Variants in P2RY12 observed in about 807,000 individuals in gnomAD.
P2RY12 encodes the protein P2Y purinoceptor 12.
A neutral mutation model predicts 4.5 loss-of-function variants in P2RY12; 3 were observed. The ratio of observed to expected loss-of-function variants is 0.67; its 90% CI spans 0.31 to 1.74. The LOEUF is 1.74. P2RY12 is among the 40% of genes most tolerant of loss of function. The pLI, the probability that P2RY12 is intolerant of heterozygous loss-of-function variation, is 0.09. For missense variants in P2RY12, 356 were observed against 407.8 expected, an observed-to-expected ratio of 0.87 and a Z score of 1.09; for synonymous variants, 148 against 154.1, an observed-to-expected ratio of 0.96 and a Z score of 0.29.
intron 1 of P2RY12, chr3:151,372,536 G>C (rs746693954): frequency 6.4e-7 from 1 of 1,564,668 alleles, no homozygotes; most frequent in Non-Finnish European, 8.8e-7. Flanking sequence ...TTGAACTTCT[G>C]TGATTTTGCT....
At chr3:151,350,275 C>CA in intron 1 of P2RY12, 1 of 1,507,860 alleles carries the variant, frequency 6.6e-7, no homozygotes, top group South Asian at 1.2e-5. Context: ...CAGTCTTTAT[C>CA]AAAGTGTTCT....
intron 1 of P2RY12, chr3:151,368,123 C>T (rs747488373): frequency 6.3e-7 from 1 of 1,588,340 alleles, no homozygotes; most frequent in Non-Finnish European, 8.6e-7. Flanking sequence ...TGTTAGAAAA[C>T]TTGCTTTTCC....
chr3:151,354,446 G>T (rs1233278790), intron 1 of P2RY12, among the ~76,000 whole-genome samples: 1 of 151,944 alleles, frequency 6.6e-6, no homozygotes, highest in Non-Finnish European at 1.5e-5. Context: ...ATTAAAAAAG[G>T]AATCATGTAA....
chr3:151,376,642 T>C (rs1444964638), intron 1 of P2RY12, among the ~76,000 whole-genome samples: 1 of 152,202 alleles, frequency 6.6e-6, no homozygotes, highest in Non-Finnish European at 1.5e-5. Flanking sequence ...CGCTACTGAA[T>C]ATATATGCAG....
At chr3:151,382,772 TC>T (rs2108143117) in intron 1 of P2RY12, 3 of 1,559,094 alleles carry the variant, frequency 1.9e-6, no homozygotes, top group Non-Finnish European at 2.6e-6. Context: ...GTATTTTCCC[TC>T]CATTAAACAT....
chr3:151,376,361 CT>C, intron 1 of P2RY12: 1 of 645,172 alleles, frequency 1.5e-6, no homozygotes, highest in Non-Finnish European at 2.4e-6. Flanking sequence ...AATTGACATA[CT>C]TTATTTTTGG....
intron 2 of P2RY12, among the ~76,000 whole-genome samples, chr3:151,339,512 G>A (rs1465647575): frequency 6.6e-6 from 1 of 151,396 alleles, no homozygotes; most frequent in Non-Finnish European, 1.5e-5. Context: ...TCAAAGATTG[G>A]CCTCACGGAG....
intron 1 of P2RY12, chr3:151,355,757 T>C (rs1415064147): frequency 4.7e-6 from 3 of 641,488 alleles, no homozygotes; most frequent in Non-Finnish European, 7.4e-6. Context: ...TTTTATAGTT[T>C]CTATAGAAAC....
At chr3:151,364,943 A>T in intron 1 of P2RY12, 2 of 1,435,860 alleles carry the variant, frequency 1.4e-6, no homozygotes, top group Non-Finnish European at 2.0e-6. Flanking sequence ...TTCTAGTTTT[A>T]TTTTTCTGTT....
At position 151,375,320 on chromosome 3, in the gene P2RY12, A is replaced by C. The variant is rs183641805; in HGVS notation, c.-180+9372T>G. On this transcript the variant is annotated intron_variant, in intron 1 of 2. Coordinates refer to ENST00000302632, the MANE Select transcript of P2RY12 (RefSeq NM_022788.5). ...TTCACCCGAAATAGATCTGGGTTCA[A>C]ATTGGGCTCTGTTACTGTTGATGAT... Among the ~76,000 whole-genome samples, 54 of 152,326 alleles carry C rather than the reference A, an allele frequency of 3.5e-4. 1 individual carries two copies. Among genetic ancestry groups the C allele is most frequent in the African/African-American group, 1.2e-3 (50 of 41,570 alleles).
chr3:151,371,316 G>A (rs530779326), intron 1 of P2RY12, among the ~76,000 whole-genome samples: 2 of 152,224 alleles, frequency 1.3e-5, no homozygotes, highest in South Asian at 4.1e-4. Context: ...AGGTATAGAG[G>A]TAGTTGTTTA....
intron 1 of P2RY12, among the ~76,000 whole-genome samples, chr3:151,352,038 T>G (rs770454926): frequency 4.6e-5 from 7 of 152,202 alleles, no homozygotes; most frequent in African/African-American, 7.2e-5. Context: ...TAGTTTCACA[T>G]TTTTGAATAT....
intron 1 of P2RY12, among the ~76,000 whole-genome samples, chr3:151,364,363 C>A (rs891876979): frequency 1.3e-5 from 2 of 152,104 alleles, no homozygotes; most frequent in Non-Finnish European, 2.9e-5. Flanking sequence ...CTGAGAAATA[C>A]AACATGATAA....
intron 1 of P2RY12, chr3:151,355,309 T>A: frequency 1.0e-6 from 1 of 1,003,494 alleles, no homozygotes; most frequent in Non-Finnish European, 1.5e-6. Context: ...TTTCATGCAG[T>A]ATATTTTCTC....
At chr3:151,376,732 T>G (rs755087599) in intron 1 of P2RY12, 352 of 1,238,068 alleles carry the variant, frequency 2.8e-4, no homozygotes, top group Middle Eastern at 7.6e-4. Flanking sequence ...GAAGGAGTAC[T>G]GTAAGAAATT....
At chr3:151,352,425 A>G (rs1243476291) in intron 1 of P2RY12, among the ~76,000 whole-genome samples, 1 of 152,164 alleles carries the variant, frequency 6.6e-6, no homozygotes, top group Non-Finnish European at 1.5e-5. Flanking sequence ...AAAGCTGTTA[A>G]TTTGGGATGT....
At chr3:151,357,163 C>A (rs377013265) in intron 1 of P2RY12, 3 of 1,420,830 alleles carry the variant, frequency 2.1e-6, no homozygotes, top group African/African-American at 2.9e-5. Flanking sequence ...AATGTTTTCT[C>A]TATTTGTTTT....
At chr3:151,372,832 A>G (rs982009995) in intron 1 of P2RY12, 8 of 1,297,382 alleles carry the variant, frequency 6.2e-6, no homozygotes, top group Admixed American at 5.7e-5. Flanking sequence ...AGCTACTTAC[A>G]CTTATAGGAA....
In P2RY12 at chr3:151,359,137, G is replaced by A. The variant is rs137888772; in HGVS notation, c.-179-18377C>T. ...CTGTTGTTCTCATCCTTATGTCCACGTGTACCTCATGCTTAGCTCCCACTT... is the reference window on the plus strand; with the variant it reads ...CTGTTGTTCTCATCCTTATGTCCACATGTACCTCATGCTTAGCTCCCACTT... On this transcript the variant is annotated intron_variant, in intron 1 of 2. Coordinates refer to ENST00000302632, the MANE Select transcript of P2RY12 (RefSeq NM_022788.5). Among the ~76,000 whole-genome samples, 599 of 152,078 alleles carry A rather than the reference G, an allele frequency of 3.9e-3. 3 individuals are homozygous for A. Among genetic ancestry groups the A allele is most frequent in the South Asian group, 0.025 (122 of 4,814 alleles).
Sources: allele counts gnomAD v4.1 joint callset (sites outside exome capture counted in the v4.1 genomes callset), GRCh38; gene constraint gnomAD v4.1.1; transcripts MANE v1.5; gene names NCBI Gene and HGNC (gene_info 2026-07-23, HGNC 2026-07-21).